Variants in EIF4E observed in about 807,000 individuals in gnomAD.
The protein encoded by EIF4E is eIF-4F 25 kDa subunit.
For synonymous variants in EIF4E, 71 were observed against 88.5 expected, an observed-to-expected ratio of 0.80 and a Z score of 1.11; for missense variants, 113 against 265.6, an observed-to-expected ratio of 0.43 and a Z score of 3.99.
chr4:98,885,857 A>G (rs1723895393), intron 5 of EIF4E, among the ~76,000 whole-genome samples: 2 of 152,224 alleles, frequency 1.3e-5, no homozygotes, highest in Admixed American at 1.3e-4. Context: ...TTGTACAACC[A>G]TCCCTACTAC....
intron 1 of EIF4E, chr4:98,928,753 G>A (rs1244828500): frequency 2.5e-5 from 30 of 1,177,388 alleles, no homozygotes; most frequent in Non-Finnish European, 3.2e-5. Flanking sequence ...CCGGCCCTGC[G>A]CCTTCCTATC....
chr4:98,905,947 T>C (rs1724852982), intron 1 of EIF4E, among the ~76,000 whole-genome samples: 1 of 152,214 alleles, frequency 6.6e-6, no homozygotes, highest in Non-Finnish European at 1.5e-5. Context: ...TTCCCAGATC[T>C]AGCATCATTC....
chr4:98,925,277 A>C (rs1274099977), intron 1 of EIF4E, among the ~76,000 whole-genome samples: 1 of 152,228 alleles, frequency 6.6e-6, no homozygotes, highest in Non-Finnish European at 1.5e-5. Context: ...AAGCTAAAGA[A>C]ATCAAAATTA....
rs374110967 is a variant in EIF4E at position 98,929,096 on chromosome 4, G to C, written c.17C>G (p.Pro6Arg). The change falls in exon 1 of 7, where the codon CCG becomes CGG. Residue 6 changes from proline to arginine, a missense_variant and splice_region_variant. Coordinates refer to ENST00000450253, the MANE Select transcript of EIF4E (RefSeq NM_001968.5). MATVE[P>R]ETTPTPNPPT... Reference sequence around the variant, plus strand: ...GTGGGGGCCAAAGGCAATACTCACCGGTTCGACAGTCGCCATCTTAGATCG... The same window carrying C: ...GTGGGGGCCAAAGGCAATACTCACCCGTTCGACAGTCGCCATCTTAGATCG... The C allele has an allele frequency of 1.9e-6, 3 of 1,581,464 alleles. No homozygotes were observed. The highest frequency in any genetic ancestry group is 2.6e-6 in the Non-Finnish European group (3 of 1,163,484).
intron 1 of EIF4E, among the ~76,000 whole-genome samples, chr4:98,908,359 A>C (rs893008214): frequency 6.6e-6 from 1 of 152,230 alleles, no homozygotes; most frequent in African/African-American, 2.4e-5. Flanking sequence ...TACAGCACCA[A>C]ATAATGGATA....
chr4:98,884,201 T>C (rs577764007), intron 6 of EIF4E, among the ~76,000 whole-genome samples: 3 of 152,342 alleles, frequency 2.0e-5, no homozygotes, highest in African/African-American at 4.8e-5. Context: ...TAAATGCACA[T>C]ATACTATTTG....
intron 2 of EIF4E, among the ~76,000 whole-genome samples, chr4:98,900,017 A>G (rs1367016493): frequency 6.6e-6 from 1 of 151,164 alleles, no homozygotes; most frequent in Non-Finnish European, 1.5e-5. Flanking sequence ...TAAACTGATG[A>G]GGACACTTAA....
chr4:98,885,641 A>G (rs758045821), intron 5 of EIF4E, among the ~76,000 whole-genome samples: 2 of 152,130 alleles, frequency 1.3e-5, no homozygotes, highest in Non-Finnish European at 2.9e-5. Context: ...TTGTAGAGAC[A>G]GGGTTTTGCC....
At chr4:98,928,758 C>G (rs1380080263) in intron 1 of EIF4E, 1 of 1,219,990 alleles carries the variant, frequency 8.2e-7, no homozygotes, top group African/African-American at 1.6e-5. Flanking sequence ...CCTGCGCCTT[C>G]CTATCATGAA....
intron 1 of EIF4E, among the ~76,000 whole-genome samples, chr4:98,922,285 C>T (rs1282971368): frequency 3.3e-5 from 5 of 152,110 alleles, no homozygotes; most frequent in Admixed American, 6.6e-5. Flanking sequence ...TAGCCTGGCG[C>T]GGTGGCTCAC....
intron 1 of EIF4E, among the ~76,000 whole-genome samples, chr4:98,903,764 A>T (rs1430526932): frequency 6.6e-6 from 1 of 152,228 alleles, no homozygotes; most frequent in African/African-American, 2.4e-5. Context: ...AATAAATTTA[A>T]ATGTTTACAC....
chr4:98,910,073 A>C, intron 1 of EIF4E: 1 of 266,030 alleles, frequency 3.8e-6, no homozygotes, highest in Non-Finnish European at 6.9e-6. Context: ...AAACTGCCTC[A>C]GGCTATTAAA....
intron 1 of EIF4E, among the ~76,000 whole-genome samples, chr4:98,911,302 C>A (rs939290463): frequency 6.7e-6 from 1 of 149,230 alleles, no homozygotes; most frequent in African/African-American, 2.5e-5. Flanking sequence ...CCCGCCTCGG[C>A]CTCCCAAAGT....
Position 98,929,098 on chromosome 4 carries a change from T to C in EIF4E, c.15A>G (p.Glu5=), listed in dbSNP as rs762958488. ...GGGGGCCAAAGGCAATACTCACCGG[T>C]TCGACAGTCGCCATCTTAGATCGAT... MATV[E]PETTPTPNPP... is the part of the protein sequence containing the mutation. The change falls in exon 1 of 7, where the codon GAA becomes GAG. Residue 5 remains glutamate, a synonymous_variant. Transcript: ENST00000450253. The C allele has an allele frequency of 2.3e-5, 36 of 1,581,356 alleles. No individual in the cohort carries two copies. The South Asian group carries it at 3.3e-4, about 15-fold the overall frequency.
intron 1 of EIF4E, among the ~76,000 whole-genome samples, chr4:98,916,359 G>A (rs1316805682): frequency 6.6e-6 from 1 of 150,750 alleles, no homozygotes; most frequent in African/African-American, 2.4e-5. Context: ...AAAATGAATG[G>A]AAACTTAAAA....
chr4:98,921,172 A>G (rs1401272777), intron 1 of EIF4E, among the ~76,000 whole-genome samples: 2 of 152,178 alleles, frequency 1.3e-5, no homozygotes, highest in South Asian at 2.1e-4. Flanking sequence ...CCTCACCTAT[A>G]AAGTATTCAT....
At chr4:98,923,830 T>C (rs566372319) in intron 1 of EIF4E, among the ~76,000 whole-genome samples, 5 of 152,166 alleles carry the variant, frequency 3.3e-5, no homozygotes, top group Non-Finnish European at 5.9e-5. Context: ...GTATAAAACA[T>C]TCATGGAATG....
chr4:98,926,431 ACTCGG>A (rs1725870657), intron 1 of EIF4E: 1 of 152,150 alleles, frequency 6.6e-6, no homozygotes, highest in Non-Finnish European at 1.5e-5. Context: ...AATCCCAGCT[ACTCGG>A]AAGGCTGAGG....
At chr4:98,902,189 A>G (rs1170899072) in intron 1 of EIF4E, among the ~76,000 whole-genome samples, 2 of 152,120 alleles carry the variant, frequency 1.3e-5, no homozygotes, top group African/African-American at 4.8e-5. Context: ...CTCCTGCCTC[A>G]GCCTCCTAAG....
Sources: gnomAD v4.1 joint callset for allele counts (sites outside exome capture counted in the v4.1 genomes callset) on GRCh38, gnomAD v4.1.1 for gene constraint, MANE v1.5 for transcripts, NCBI Gene and HGNC (gene_info 2026-07-23, HGNC 2026-07-21) for gene names.